AGK: variants seen among roughly 807,000 people sequenced by gnomAD.
AGK encodes acylglycerol kinase, also known as acylglycerol kinase, mitochondrial.
A neutral mutation model predicts 66.4 loss-of-function variants in AGK; 52 were observed. The observed-to-expected ratio is 0.78, with a 90% CI of 0.63 to 0.99. The LOEUF (loss-of-function observed/expected upper bound fraction) is 0.99. Ranked by LOEUF, AGK falls within the 50% of genes least tolerant of loss-of-function variation. The probability of loss-of-function intolerance (pLI) is 0.00; values close to 1 mark genes in which losing one functional copy is unlikely to be tolerated. For missense variants in AGK, 451 were observed against 506.6 expected (o/e 0.89, Z 1.05); for synonymous variants, 182 against 181.1 (o/e 1.00, Z -0.04).
At chr7:141,585,831 C>T (rs1413629795) in intron 2 of AGK, among the ~76,000 whole-genome samples, 2 of 152,140 alleles carry the variant, frequency 1.3e-5, no homozygotes, top group East Asian at 3.8e-4. Context: ...TAATCCAGAG[C>T]CTTCTAATTT....
chr7:141,588,580 C>A (rs1202351184), intron 2 of AGK, among the ~76,000 whole-genome samples: 1 of 151,442 alleles, frequency 6.6e-6, no homozygotes, highest in Non-Finnish European at 1.5e-5. Context: ...AGCGCCACTG[C>A]ACTCCAGCCT....
At chr7:141,581,906 T>C (rs188668862) in intron 2 of AGK, among the ~76,000 whole-genome samples, 12 of 152,100 alleles carry the variant, frequency 7.9e-5, no homozygotes, top group African/African-American at 1.4e-4. Context: ...GAAGCTTGGC[T>C]GTCAATACCC....
intron 9 of AGK, among the ~76,000 whole-genome samples, chr7:141,622,093 CTT>C (rs879346055): frequency 2.8e-5 from 4 of 141,658 alleles, no homozygotes; most frequent in African/African-American, 2.6e-5. Flanking sequence ...CACTTAGCTA[CTT>C]TTTTTTTTTT....
At chr7:141,572,710 A>G (rs1437536339) in intron 2 of AGK, among the ~76,000 whole-genome samples, 1 of 152,208 alleles carries the variant, frequency 6.6e-6, no homozygotes, top group African/African-American at 2.4e-5. Flanking sequence ...AATTGGTGAT[A>G]TAGAAATAAG....
intron 1 of AGK, among the ~76,000 whole-genome samples, chr7:141,554,410 A>C (rs1795164404): frequency 6.6e-6 from 1 of 151,872 alleles, no homozygotes; most frequent in Non-Finnish European, 1.5e-5. Context: ...CTCATGTTTG[A>C]ACATAATTGG....
At chr7:141,604,890 G>A (rs1230858037) in intron 5 of AGK, among the ~76,000 whole-genome samples, 1 of 151,686 alleles carries the variant, frequency 6.6e-6, no homozygotes, top group African/African-American at 2.4e-5. Context: ...ACTTTTTCTT[G>A]TTCTGCATCC....
intron 2 of AGK, among the ~76,000 whole-genome samples, chr7:141,567,894 C>T (rs1361683867): frequency 1.3e-5 from 2 of 152,212 alleles, no homozygotes; most frequent in African/African-American, 2.4e-5. Flanking sequence ...CCTGTGCTCT[C>T]TAAGCCTTAG....
chr7:141,641,293 A>G lies in AGK; in HGVS notation c.772A>G (p.Thr258Ala). ...AGCCTCTATCTCATACACGGGACCTACAGAGAGACCTCCCAATGAACCAGA... is the reference window on the plus strand; with the variant it reads ...AGCCTCTATCTCATACACGGGACCTGCAGAGAGACCTCCCAATGAACCAGA... ...HQASISYTGPTERPPNEPEET... is the reference protein window; with the variant it reads ...HQASISYTGPAERPPNEPEET... The change falls in exon 12 of 16, where the codon ACA (threonine) becomes GCA (alanine). Residue 258 changes from threonine to alanine, a missense_variant. By Grantham distance (58) the Thr-to-Ala change is moderately conservative. Coordinates refer to ENST00000649286, the MANE Select transcript of AGK (RefSeq NM_018238.4). 1 of 1,614,010 alleles carries G rather than the reference A, an allele frequency of 6.2e-7. No homozygotes were observed. The highest frequency in any genetic ancestry group is 1.7e-4 in the Middle Eastern group (1 of 6,060).
intron 2 of AGK, among the ~76,000 whole-genome samples, chr7:141,579,371 AG>A (rs1679040464): frequency 6.6e-6 from 1 of 152,004 alleles, no homozygotes; most frequent in Admixed American, 6.5e-5. Context: ...TGATTTGACT[AG>A]TAAAGGCCGG....
intron 9 of AGK, among the ~76,000 whole-genome samples, chr7:141,632,930 G>C (rs17520514): frequency 6.6e-6 from 1 of 152,128 alleles, no homozygotes; most frequent in East Asian, 1.9e-4. Context: ...TGCTTTTGGC[G>C]TAGTGGAAAC....
At chr7:141,630,526 A>T (rs1321245749) in intron 9 of AGK, among the ~76,000 whole-genome samples, 2 of 152,154 alleles carry the variant, frequency 1.3e-5, no homozygotes, top group African/African-American at 4.8e-5. Flanking sequence ...TACAAGTGTG[A>T]TTTATCAATT....
chr7:141,590,250 C>T (rs2116916103), intron 2 of AGK, among the ~76,000 whole-genome samples: 1 of 152,134 alleles, frequency 6.6e-6, no homozygotes, highest in African/African-American at 2.4e-5. Flanking sequence ...TATTAATAGC[C>T]CAGAGGAGCC....
chr7:141,579,290 T>C (rs1044425596), intron 2 of AGK, among the ~76,000 whole-genome samples: 4 of 152,064 alleles, frequency 2.6e-5, no homozygotes, highest in Admixed American at 2.6e-4. Flanking sequence ...GTTCTACCTT[T>C]TCTGAAGATT....
chr7:141,573,723 C>G (rs1254141926), intron 2 of AGK, among the ~76,000 whole-genome samples: 1 of 152,200 alleles, frequency 6.6e-6, no homozygotes, highest in South Asian at 2.1e-4. Flanking sequence ...TTATAGAGAA[C>G]AACTTGTGAG....
chr7:141,632,530 T>G (rs1342702292), intron 9 of AGK, among the ~76,000 whole-genome samples: 1 of 152,192 alleles, frequency 6.6e-6, no homozygotes, highest in Non-Finnish European at 1.5e-5. Flanking sequence ...CAACTTCCTG[T>G]GGAGAGCATC....
intron 5 of AGK, among the ~76,000 whole-genome samples, chr7:141,610,855 C>T (rs1157636175): frequency 6.6e-6 from 1 of 152,190 alleles, no homozygotes; most frequent in Non-Finnish European, 1.5e-5. Context: ...TTTGCATGTA[C>T]ACTTGACTTC....
In AGK at chr7:141,601,262, G is replaced by T; in HGVS notation, c.279G>T (p.Met93Ile). 1.2e-6 allele frequency: 2 copies of T among 1,612,802 alleles called. No homozygotes were observed. The highest frequency in any genetic ancestry group is 1.7e-6 in the Non-Finnish European group (2 of 1,179,260). The change falls in exon 5 of 16, where the codon ATG (methionine) becomes ATT (isoleucine). Residue 93 changes from methionine (M) to isoleucine (I), a missense_variant. Met to Ile is a conservative substitution (Grantham distance 10). Coordinates refer to ENST00000649286, the MANE Select transcript of AGK (RefSeq NM_018238.4). ...NAAPILHLSGMDVTIVKTDYE... is the reference protein window; with the variant it reads ...NAAPILHLSGIDVTIVKTDYE... Reference sequence around the variant, plus strand: ...CCCCGATTTTACATTTATCTGGCATGGATGTGACTATTGTTAAGGTAAGAA... The same window carrying T: ...CCCCGATTTTACATTTATCTGGCATTGATGTGACTATTGTTAAGGTAAGAA...
intron 11 of AGK, among the ~76,000 whole-genome samples, chr7:141,640,483 T>C (rs1164865445): frequency 6.6e-6 from 1 of 152,076 alleles, no homozygotes; most frequent in East Asian, 1.9e-4. Flanking sequence ...CAGGGAAGCA[T>C]TTCACCCTAA....
At chr7:141,640,239 G>C (rs1315809511) in intron 11 of AGK, among the ~76,000 whole-genome samples, 1 of 152,130 alleles carries the variant, frequency 6.6e-6, no homozygotes, top group Non-Finnish European at 1.5e-5. Context: ...GTGAACAAAG[G>C]TGTCCATTGA....
Sources: gnomAD v4.1 joint callset for allele counts (sites outside exome capture counted in the v4.1 genomes callset) on GRCh38, gnomAD v4.1.1 for gene constraint, MANE v1.5 for transcripts, NCBI Gene and HGNC (gene_info 2026-07-23, HGNC 2026-07-21) for gene names.